ILRUN: variants seen among roughly 807,000 people sequenced by gnomAD.
ILRUN encodes protein ILRUN.
ILRUN carries 3 observed loss-of-function variants against 33.8 expected under a neutral mutation model. That is an observed-to-expected ratio of 0.09 (90% confidence interval 0.04 to 0.23). ILRUN has a LOEUF of 0.23. Ranked by LOEUF, ILRUN falls within the 10% of genes least tolerant of loss-of-function variation. The pLI, the probability that ILRUN is intolerant of heterozygous loss-of-function variation, is 1.00. For missense variants in ILRUN, 210 were observed against 375.1 expected, an observed-to-expected ratio of 0.56 and a Z score of 3.64; for synonymous variants, 124 against 138.9, an observed-to-expected ratio of 0.89 and a Z score of 0.75.
intron 4 of ILRUN, chr6:34,596,049 G>A (rs1004422937): frequency 8.2e-6 from 4 of 489,254 alleles, no homozygotes; most frequent in Non-Finnish European, 1.1e-5. Flanking sequence ...GGCCTGGCCT[G>A]GCTGGCAGGG....
intron 1 of ILRUN, among the ~76,000 whole-genome samples, chr6:34,659,428 TA>T (rs1482630001): frequency 2.6e-5 from 4 of 152,130 alleles, no homozygotes; most frequent in Admixed American, 2.6e-4. Context: ...TCAAAAGTTT[TA>T]ACCTACCCAG....
Position 34,646,429 on chromosome 6 carries a change from CACTAG to C in ILRUN, c.511+167_511+171del, listed in dbSNP as rs796756670. ...TATATTCCTAGGATAAAAGAAAGAG[CACTAG>C]ACTAATCAATTAGTCATAAAATGCA... On this transcript the variant is annotated intron_variant, in intron 3 of 4. Coordinates refer to ENST00000374023, the MANE Select transcript of ILRUN (RefSeq NM_024294.4). The surrounding 1 kb of genome is among the most constrained non-coding windows in gnomAD (Gnocchi z 4.9). Among the ~76,000 whole-genome samples, 12 of 152,274 alleles carry C rather than the reference CACTAG, an allele frequency of 7.9e-5. 1 individual carries two copies. Among genetic ancestry groups the C allele is most frequent in the African/African-American group, 2.9e-4 (12 of 41,548 alleles).
At chr6:34,660,883 G>C (rs999564449) in intron 1 of ILRUN, among the ~76,000 whole-genome samples, 3 of 152,148 alleles carry the variant, frequency 2.0e-5, no homozygotes, top group Non-Finnish European at 4.4e-5. Flanking sequence ...TAAAGGCAAC[G>C]GTCAATACTG....
intron 3 of ILRUN, among the ~76,000 whole-genome samples, chr6:34,629,792 G>A (rs1762208186): frequency 6.6e-6 from 1 of 152,110 alleles, no homozygotes; most frequent in Admixed American, 6.6e-5. Context: ...CCCATTATGT[G>A]TGTATGTTAC....
chr6:34,642,482 A>T (rs756675646), intron 3 of ILRUN, among the ~76,000 whole-genome samples: 1 of 152,168 alleles, frequency 6.6e-6, no homozygotes, highest in African/African-American at 2.4e-5. Flanking sequence ...ATCCTGAAGT[A>T]TTTCTCAAAT....
intron 1 of ILRUN, among the ~76,000 whole-genome samples, chr6:34,679,147 GGAAAAAAAAAAAAA>G (rs1426611123): frequency 1.7e-5 from 2 of 117,918 alleles, no homozygotes; most frequent in Non-Finnish European, 3.8e-5. Context: ...AAAATTGGGA[GGAAAAAAAAAAAAA>G]AGAAATGGCA....
chr6:34,605,725 A>G (rs1471060028), intron 4 of ILRUN, among the ~76,000 whole-genome samples: 2 of 152,238 alleles, frequency 1.3e-5, no homozygotes, highest in African/African-American at 2.4e-5. Flanking sequence ...CATAAACTTT[A>G]TTTTTAAAAT....
intron 1 of ILRUN, among the ~76,000 whole-genome samples, chr6:34,659,990 T>A (rs1267143902): frequency 6.6e-6 from 1 of 152,054 alleles, no homozygotes; most frequent in Non-Finnish European, 1.5e-5. Flanking sequence ...TTCAAAAATA[T>A]GGCAGTAGAA....
At position 34,663,756 on chromosome 6, in the gene ILRUN, A is replaced by C. The variant is rs911216760; in HGVS notation, c.159-8977T>G. Among the ~76,000 whole-genome samples the C allele has an allele frequency of 2.0e-5, 3 of 152,348 alleles. No homozygotes were observed. The East Asian group carries it at 5.8e-4, about 29-fold the overall frequency. Reference sequence around the variant, plus strand: ...AGTAAATTTACAGAATTGTACAACCATCACCATGTTTAGAATATCATGTTT... The same window carrying C: ...AGTAAATTTACAGAATTGTACAACCCTCACCATGTTTAGAATATCATGTTT... On this transcript the variant is annotated intron_variant, in intron 1 of 4. Transcript: ENST00000374023.
At chr6:34,693,789 C>T (rs1763699295) in intron 1 of ILRUN, among the ~76,000 whole-genome samples, 1 of 151,720 alleles carries the variant, frequency 6.6e-6, no homozygotes. Flanking sequence ...GTCTCAGCCT[C>T]CCTCAAATAC....
intron 4 of ILRUN, chr6:34,595,589 GA>G: frequency 1.9e-5 from 4 of 209,222 alleles, no homozygotes; most frequent in Non-Finnish European, 3.3e-5. Context: ...AACATTCCAG[GA>G]AAAAAAAGAA....
chr6:34,652,752 A>G (rs73411982), intron 2 of ILRUN, among the ~76,000 whole-genome samples: 4,720 of 152,256 alleles, frequency 0.031, 198 homozygotes, highest in African/African-American at 0.091. Flanking sequence ...TTTTCTCTGA[A>G]GTTCTCATTA....
At chr6:34,636,961 A>G (rs906104915) in intron 3 of ILRUN, among the ~76,000 whole-genome samples, 2 of 152,188 alleles carry the variant, frequency 1.3e-5, no homozygotes, top group African/African-American at 4.8e-5. Flanking sequence ...GAAAACATAC[A>G]TATCTAATTT....
At chr6:34,624,887 G>C (rs1319615830) in intron 3 of ILRUN, among the ~76,000 whole-genome samples, 1 of 152,082 alleles carries the variant, frequency 6.6e-6, no homozygotes, top group Non-Finnish European at 1.5e-5. Flanking sequence ...TTTTGCTTCC[G>C]AGAGATCTTA....
chr6:34,595,117 T>G (rs1761374925), intron 4 of ILRUN, among the ~76,000 whole-genome samples: 1 of 152,248 alleles, frequency 6.6e-6, no homozygotes, highest in Non-Finnish European at 1.5e-5. Flanking sequence ...CTAGTACTTA[T>G]AATCCTGTCC....
At chr6:34,674,080 G>A (rs1231804997) in intron 1 of ILRUN, among the ~76,000 whole-genome samples, 1 of 152,042 alleles carries the variant, frequency 6.6e-6, no homozygotes, top group Admixed American at 6.5e-5. Flanking sequence ...CACGCTGGAG[G>A]GCAGTGGTGC....
At chr6:34,631,384 G>A (rs888220348) in intron 3 of ILRUN, among the ~76,000 whole-genome samples, 1 of 151,716 alleles carries the variant, frequency 6.6e-6, no homozygotes, top group South Asian at 2.1e-4. Context: ...CTGGAGGGCA[G>A]TGGCGCGATC....
At chr6:34,693,761 G>A (rs1028902629) in intron 1 of ILRUN, among the ~76,000 whole-genome samples, 3 of 151,394 alleles carry the variant, frequency 2.0e-5, no homozygotes, top group Non-Finnish European at 4.4e-5. Flanking sequence ...CCGCCTCCTG[G>A]GTTCACGCCA....
chr6:34,657,680 C>T (rs1762802233), intron 1 of ILRUN, among the ~76,000 whole-genome samples: 1 of 152,144 alleles, frequency 6.6e-6, no homozygotes, highest in Non-Finnish European at 1.5e-5. Context: ...AGGTACACAG[C>T]TACAAATGTG....
Sources: gnomAD v4.1 joint callset for allele counts (sites outside exome capture counted in the v4.1 genomes callset) on GRCh38, gnomAD v4.1.1 for gene constraint, Gnocchi (gnomAD v3.1) non-coding constraint, MANE v1.5 for transcripts, NCBI Gene and HGNC (gene_info 2026-07-23, HGNC 2026-07-21) for gene names.